The following CAMKMT variants were observed in gnomAD, a reference collection of about 807,000 sequenced individuals.
CAMKMT encodes the protein calmodulin-lysine N-methyltransferase.
CAMKMT carries 53 observed loss-of-function variants against 48.0 expected under a neutral mutation model. The observed-to-expected ratio is 1.10, with a 90% CI of 0.89 to 1.39. The LOEUF (loss-of-function observed/expected upper bound fraction) is 1.39, where lower values mean the gene tolerates loss of function less well. Among genes scored for constraint, CAMKMT ranks in the 40% most tolerant of loss-of-function variants. The pLI is 0.00. For missense variants in CAMKMT, 428 were observed against 402.7 expected, an observed-to-expected ratio of 1.06 and a Z score of -0.54; for synonymous variants, 165 against 152.3, an observed-to-expected ratio of 1.08 and a Z score of -0.61.
chr2:44,479,265 G>T (rs1350489660), intron 3 of CAMKMT, among the ~76,000 whole-genome samples: 1 of 152,172 alleles, frequency 6.6e-6, no homozygotes, highest in African/African-American at 2.4e-5. Flanking sequence ...TCACCCTTAT[G>T]CAGGGAGTCT....
intron 3 of CAMKMT, among the ~76,000 whole-genome samples, chr2:44,503,634 A>G (rs1670111079): frequency 6.6e-6 from 1 of 152,166 alleles, no homozygotes; most frequent in African/African-American, 2.4e-5. Flanking sequence ...AACTGAGAAA[A>G]AGAGGAAAAA....
chr2:44,736,063 A>T (rs1679342085), intron 7 of CAMKMT, among the ~76,000 whole-genome samples: 1 of 152,210 alleles, frequency 6.6e-6, no homozygotes, highest in South Asian at 2.1e-4. Context: ...ATATTTAAAG[A>T]GGTTTAAGTA....
chr2:44,637,158 T>G (rs1475977969), intron 3 of CAMKMT, among the ~76,000 whole-genome samples: 2 of 152,234 alleles, frequency 1.3e-5, no homozygotes, highest in Non-Finnish European at 2.9e-5. Flanking sequence ...TGACAGTCAT[T>G]TAGCTTTCAT....
chr2:44,373,173 C>T (rs199692011), intron 2 of CAMKMT, among the ~76,000 whole-genome samples: 1 of 152,072 alleles, frequency 6.6e-6, no homozygotes, highest in Non-Finnish European at 1.5e-5. Context: ...TTGTTTATGA[C>T]AAAAAGCCAT....
intron 9 of CAMKMT, among the ~76,000 whole-genome samples, chr2:44,759,946 C>T (rs982168900): frequency 3.9e-5 from 6 of 152,114 alleles, no homozygotes; most frequent in Non-Finnish European, 8.8e-5. Context: ...GTGAATCTTT[C>T]GAATTTACGC....
chr2:44,605,236 A>G (rs1471492539), intron 3 of CAMKMT, among the ~76,000 whole-genome samples: 4 of 152,194 alleles, frequency 2.6e-5, no homozygotes, highest in Admixed American at 6.5e-5. Flanking sequence ...ATTATTATAT[A>G]GTGGCACTTA....
intron 2 of CAMKMT, among the ~76,000 whole-genome samples, chr2:44,373,438 C>A (rs1679375410): frequency 1.3e-5 from 2 of 152,122 alleles, no homozygotes; most frequent in Admixed American, 1.3e-4. Context: ...ACTGCAATAA[C>A]AAGATACCAT....
intron 3 of CAMKMT, among the ~76,000 whole-genome samples, chr2:44,663,352 C>T (rs888875740): frequency 6.6e-6 from 1 of 152,182 alleles, no homozygotes; most frequent in Non-Finnish European, 1.5e-5. Context: ...ATTACCCACT[C>T]CTTTGTCCAT....
chr2:44,421,068 A>T (rs1415298281), intron 3 of CAMKMT, among the ~76,000 whole-genome samples: 1 of 152,130 alleles, frequency 6.6e-6, no homozygotes, highest in Non-Finnish European at 1.5e-5. Flanking sequence ...TTAAATATTT[A>T]TTGAGAAGTG....
At chr2:44,756,143 C>T (rs1187723341) in intron 9 of CAMKMT, among the ~76,000 whole-genome samples, 1 of 152,172 alleles carries the variant, frequency 6.6e-6, no homozygotes, top group Non-Finnish European at 1.5e-5. Context: ...GAGCCTCCAC[C>T]CAAATGGACC....
At chr2:44,397,937 C>G (rs1682008142) in intron 3 of CAMKMT, among the ~76,000 whole-genome samples, 1 of 152,116 alleles carries the variant, frequency 6.6e-6, no homozygotes, top group Non-Finnish European at 1.5e-5. Context: ...CTAGTTTCTC[C>G]CTCTTTTAAA....
At chr2:44,726,501 A>G (rs1350515372) in intron 7 of CAMKMT, among the ~76,000 whole-genome samples, 1 of 152,076 alleles carries the variant, frequency 6.6e-6, no homozygotes, top group African/African-American at 2.4e-5. Context: ...TAAGTTCCCT[A>G]GAGATTCTAG....
rs573230002 is a variant in CAMKMT at position 44,388,059 on chromosome 2, T to A, written c.312-2182T>A. On this transcript the variant is annotated intron_variant, in intron 2 of 10. Coordinates refer to ENST00000378494, the MANE Select transcript of CAMKMT (RefSeq NM_024766.5). The stretch of plus-strand genomic sequence containing the variant: ...TCCCAGAGCTTCTTGTAGTTGGATG[T>A]CTAGGTCTCTAGCAAGGCCGGGAAA... 3.3e-5 allele frequency among the ~76,000 whole-genome samples: 5 copies of A among 152,332 alleles called. No individual in the cohort carries two copies. In the East Asian group the frequency reaches 9.6e-4, roughly 29 times the overall value.
intron 3 of CAMKMT, among the ~76,000 whole-genome samples, chr2:44,570,102 A>C (rs1044075923): frequency 6.6e-6 from 1 of 152,166 alleles, no homozygotes; most frequent in Non-Finnish European, 1.5e-5. Flanking sequence ...AAATGTATTT[A>C]ACAGAAAATA....
chr2:44,649,212 T>TC (rs1673922920), intron 3 of CAMKMT, among the ~76,000 whole-genome samples: 1 of 152,212 alleles, frequency 6.6e-6, no homozygotes, highest in East Asian at 1.9e-4. Flanking sequence ...TGCTCTTGGA[T>TC]CCTGTTTCCT....
At chr2:44,642,741 C>G (rs998186428) in intron 3 of CAMKMT, among the ~76,000 whole-genome samples, 2 of 151,966 alleles carry the variant, frequency 1.3e-5, no homozygotes, top group African/African-American at 4.8e-5. Flanking sequence ...GGAGGGGGTG[C>G]CCTTGGGTCC....
At chr2:44,703,387 A>G (rs1176065005) in intron 3 of CAMKMT, among the ~76,000 whole-genome samples, 1 of 152,164 alleles carries the variant, frequency 6.6e-6, no homozygotes, top group Non-Finnish European at 1.5e-5. Context: ...CATGCAATTT[A>G]GCAGGTAGAA....
chr2:44,664,025 C>G (rs1407905891), intron 3 of CAMKMT, among the ~76,000 whole-genome samples: 1 of 152,122 alleles, frequency 6.6e-6, no homozygotes, highest in Admixed American at 6.5e-5. Context: ...GTTGCTAAGT[C>G]ATTACTGCAG....
intron 3 of CAMKMT, among the ~76,000 whole-genome samples, chr2:44,688,873 G>T (rs1163249365): frequency 1.3e-5 from 2 of 152,158 alleles, no homozygotes; most frequent in Non-Finnish European, 1.5e-5. Context: ...AATGTGTTCT[G>T]TTCTTGCATC....
Sources: allele counts gnomAD v4.1 joint callset (sites outside exome capture counted in the v4.1 genomes callset), GRCh38; gene constraint gnomAD v4.1.1; transcripts MANE v1.5; gene names NCBI Gene and HGNC (gene_info 2026-07-23, HGNC 2026-07-21).